HIVEP3: variants seen among roughly 807,000 people sequenced by gnomAD.
The protein encoded by HIVEP3 is HIVEP zinc finger 3.
Under a neutral mutation model 152.8 loss-of-function variants are expected in HIVEP3, and 49 were observed. The observed-to-expected ratio is 0.32, with a 90% CI of 0.26 to 0.41. The LOEUF is 0.41. Among genes scored for constraint, HIVEP3 ranks in the 10% least tolerant of loss-of-function variants. HIVEP3 has a pLI of 1.00. For missense variants in HIVEP3, 2,790 were observed against 3,103.3 expected, an observed-to-expected ratio of 0.90 and a Z score of 2.40; for synonymous variants, 1,269 against 1,289.0, an observed-to-expected ratio of 0.98 and a Z score of 0.33.
chr1:41,660,723 A>C (rs1003249390), intron 2 of HIVEP3, among the ~76,000 whole-genome samples: 3 of 152,256 alleles, frequency 2.0e-5, no homozygotes, highest in Non-Finnish European at 2.9e-5. Flanking sequence ...CTAGAAAAAA[A>C]ATGCTGGGTT....
chr1:41,725,643 C>T (rs1646741305), intron 1 of HIVEP3, among the ~76,000 whole-genome samples: 1 of 152,188 alleles, frequency 6.6e-6, no homozygotes, highest in South Asian at 2.1e-4. Flanking sequence ...ATGGAAACTC[C>T]ATAAGAGGCA....
chr1:41,759,402 A>G (rs1194334148), intron 1 of HIVEP3, among the ~76,000 whole-genome samples: 2 of 151,944 alleles, frequency 1.3e-5, no homozygotes, highest in East Asian at 3.9e-4. Flanking sequence ...GATATATTCT[A>G]TTTTGTTTAT....
intron 1 of HIVEP3, among the ~76,000 whole-genome samples, chr1:41,993,806 A>ACAT (rs1570876620): frequency 6.6e-6 from 1 of 151,862 alleles, no homozygotes; most frequent in East Asian, 1.9e-4. Flanking sequence ...TACACCATGG[A>ACAT]ATACTATGCA....
chr1:41,600,479 T>A (rs1322074303), intron 3 of HIVEP3, among the ~76,000 whole-genome samples: 2 of 152,182 alleles, frequency 1.3e-5, no homozygotes, highest in African/African-American at 4.8e-5. Flanking sequence ...ACTGCATAAT[T>A]TCACTTATAT....
chr1:41,605,400 C>T lies in HIVEP3; in HGVS notation c.-521-20082G>A, dbSNP rs1558109273. On this transcript the variant is annotated intron_variant, in intron 3 of 8. Transcript: ENST00000372583. ...GCACACACACACACACACACACACA[C>T]ACACACATACATATGTTAAAAAGAA... Among the ~76,000 whole-genome samples, 102 of 152,008 alleles carry T rather than the reference C, an allele frequency of 6.7e-4. 1 individual carries two copies. The highest frequency in any genetic ancestry group is 2.4e-3 in the African/African-American group (99 of 41,406).
intron 1 of HIVEP3, among the ~76,000 whole-genome samples, chr1:41,757,330 G>A (rs1162454547): frequency 6.6e-6 from 1 of 151,882 alleles, no homozygotes; most frequent in Non-Finnish European, 1.5e-5. Context: ...TGTTAGCCAG[G>A]ATGGTCTCGA....
intron 3 of HIVEP3, among the ~76,000 whole-genome samples, chr1:41,624,891 C>T (rs536332966): frequency 3.3e-5 from 5 of 152,276 alleles, no homozygotes; most frequent in Admixed American, 1.3e-4. Flanking sequence ...CTTGGCCAGG[C>T]GCGGTGGCTC....
intron 1 of HIVEP3, among the ~76,000 whole-genome samples, chr1:41,778,152 C>T (rs369376033): frequency 3.3e-5 from 5 of 152,164 alleles, no homozygotes; most frequent in African/African-American, 4.8e-5. Flanking sequence ...TCCTTATCTT[C>T]GGTAATGAAC....
At chr1:41,934,169 C>G (rs1428870058) in intron 1 of HIVEP3, among the ~76,000 whole-genome samples, 1 of 152,138 alleles carries the variant, frequency 6.6e-6, no homozygotes, top group Non-Finnish European at 1.5e-5. Flanking sequence ...CTCTCCCAAC[C>G]ATTTTTGTGA....
intron 3 of HIVEP3, among the ~76,000 whole-genome samples, chr1:41,621,224 C>A (rs1392359829): frequency 2.0e-5 from 3 of 152,248 alleles, no homozygotes; most frequent in Admixed American, 6.5e-5. Context: ...ACGGCCTTGA[C>A]CCCCTTCAGC....
chr1:41,866,677 G>A (rs1353465873), intron 1 of HIVEP3, among the ~76,000 whole-genome samples: 1 of 152,160 alleles, frequency 6.6e-6, no homozygotes, highest in African/African-American at 2.4e-5. Context: ...GCCTTCTCTT[G>A]GCTCAGTTTC....
At chr1:41,972,539 A>C (rs922652371) in intron 1 of HIVEP3, among the ~76,000 whole-genome samples, 1 of 152,232 alleles carries the variant, frequency 6.6e-6, no homozygotes, top group African/African-American at 2.4e-5. Flanking sequence ...GCAATTGATT[A>C]CTTCATTACA....
chr1:41,826,143 C>T (rs557297743), intron 1 of HIVEP3, among the ~76,000 whole-genome samples: 119 of 152,314 alleles, frequency 7.8e-4, no homozygotes, highest in African/African-American at 2.5e-3. Context: ...GTGGGGCCAC[C>T]CTGCTTCTTT....
At chr1:41,523,855 G>C (rs1642828755) in intron 6 of HIVEP3, among the ~76,000 whole-genome samples, 1 of 152,216 alleles carries the variant, frequency 6.6e-6, no homozygotes. Flanking sequence ...AGCTCCAGAG[G>C]CTGAAGACAC....
chr1:41,826,132 A>C (rs1642795645), intron 1 of HIVEP3, among the ~76,000 whole-genome samples: 1 of 152,156 alleles, frequency 6.6e-6, no homozygotes, highest in Non-Finnish European at 1.5e-5. Context: ...CTCTCTCATA[A>C]GTGGGGCCAC....
At chr1:41,523,396 G>T (rs1252925040) in intron 6 of HIVEP3, among the ~76,000 whole-genome samples, 2 of 152,122 alleles carry the variant, frequency 1.3e-5, no homozygotes, top group East Asian at 1.9e-4. Context: ...GCAGTGGGAG[G>T]GCAGGCACCT....
intron 1 of HIVEP3, among the ~76,000 whole-genome samples, chr1:41,715,920 A>G (rs1646585806): frequency 6.6e-6 from 1 of 152,246 alleles, no homozygotes; most frequent in Non-Finnish European, 1.5e-5. Context: ...TACACAGGGA[A>G]TGAGACACAG....
At chr1:41,697,408 T>A (rs542562176) in intron 2 of HIVEP3, among the ~76,000 whole-genome samples, 8 of 152,374 alleles carry the variant, frequency 5.3e-5, no homozygotes, top group African/African-American at 1.9e-4. Flanking sequence ...GAGTGAGTTT[T>A]GAATTATTTC....
intron 1 of HIVEP3, among the ~76,000 whole-genome samples, chr1:41,809,866 C>T (rs1558288968): frequency 1.3e-5 from 2 of 152,140 alleles, no homozygotes; most frequent in Non-Finnish European, 1.5e-5. Flanking sequence ...ATCACCATCT[C>T]GCCGAGTCCA....
Sources: allele counts gnomAD v4.1 joint callset (sites outside exome capture counted in the v4.1 genomes callset), GRCh38; gene constraint gnomAD v4.1.1; transcripts MANE v1.5; gene names NCBI Gene and HGNC (gene_info 2026-07-23, HGNC 2026-07-21).